The following CNTNAP2 variants were observed in gnomAD, a reference collection of about 807,000 sequenced individuals.
CNTNAP2 encodes the protein contactin associated protein 2.
A neutral mutation model predicts 155.2 loss-of-function variants in CNTNAP2; 98 were observed. The observed-to-expected ratio is 0.63, with a 90% confidence interval of 0.54 to 0.75. The LOEUF (loss-of-function observed/expected upper bound fraction) is 0.75. Ranked by LOEUF, CNTNAP2 falls within the 30% of genes least tolerant of loss-of-function variation. CNTNAP2 has a pLI of 0.00. For synonymous variants in CNTNAP2, 651 were observed against 631.2 expected (o/e 1.03, Z -0.47); for missense variants, 1,727 against 1,688.1 (o/e 1.02, Z -0.40).
chr7:146,350,822 A>G (rs1304370903), intron 1 of CNTNAP2, among the ~76,000 whole-genome samples: 1 of 152,094 alleles, frequency 6.6e-6, no homozygotes, highest in African/African-American at 2.4e-5. Context: ...AATGTGACAC[A>G]TATACACCAT....
intron 18 of CNTNAP2, among the ~76,000 whole-genome samples, chr7:148,192,567 A>C (rs759482272): frequency 6.6e-6 from 1 of 152,096 alleles, no homozygotes; most frequent in Non-Finnish European, 1.5e-5. Flanking sequence ...CTCTCCATGC[A>C]GTGAGCCGAG....
chr7:147,168,169 AATAG>A (rs1025259728), intron 8 of CNTNAP2, among the ~76,000 whole-genome samples: 3 of 149,802 alleles, frequency 2.0e-5, no homozygotes, highest in Non-Finnish European at 4.4e-5. Context: ...TTATACATAT[AATAG>A]ATATATAAAT....
At chr7:148,111,147 G>A (rs78876103) in intron 15 of CNTNAP2, among the ~76,000 whole-genome samples, 2,891 of 152,156 alleles carry the variant, frequency 0.019, 106 homozygotes, top group African/African-American at 0.065. Flanking sequence ...TGACTGTTCG[G>A]TATAAACAGA....
At chr7:147,221,905 C>T (rs1803410093) in intron 8 of CNTNAP2, among the ~76,000 whole-genome samples, 2 of 152,126 alleles carry the variant, frequency 1.3e-5, no homozygotes, top group African/African-American at 4.8e-5. Flanking sequence ...AAATAATTCA[C>T]TCTACTCTTT....
intron 10 of CNTNAP2, among the ~76,000 whole-genome samples, chr7:147,472,281 C>T (rs1237951097): frequency 1.4e-5 from 2 of 139,560 alleles, no homozygotes; most frequent in African/African-American, 5.3e-5. Flanking sequence ...GGCATGATCT[C>T]GGCTCACTGC....
At chr7:146,562,393 T>C (rs1353909686) in intron 1 of CNTNAP2, among the ~76,000 whole-genome samples, 1 of 152,144 alleles carries the variant, frequency 6.6e-6, no homozygotes, top group African/African-American at 2.4e-5. Flanking sequence ...ATTAAAAAGG[T>C]TAGCCTTTCA....
chr7:147,305,844 G>C (rs1338341113), intron 9 of CNTNAP2, among the ~76,000 whole-genome samples: 2 of 152,118 alleles, frequency 1.3e-5, no homozygotes, highest in Non-Finnish European at 2.9e-5. Flanking sequence ...GGATCCTGAG[G>C]TGTCTGAAGG....
At chr7:146,918,541 G>A (rs977822523) in intron 3 of CNTNAP2, among the ~76,000 whole-genome samples, 2 of 152,174 alleles carry the variant, frequency 1.3e-5, no homozygotes, top group Admixed American at 1.3e-4. Context: ...TTTCTGCTGA[G>A]AGATCTGCTG....
At chr7:146,617,511 G>A (rs1034902542) in intron 1 of CNTNAP2, among the ~76,000 whole-genome samples, 2 of 151,908 alleles carry the variant, frequency 1.3e-5, no homozygotes, top group African/African-American at 4.8e-5. Flanking sequence ...TACCTCTTTG[G>A]CAATTTCGAA....
intron 4 of CNTNAP2, among the ~76,000 whole-genome samples, chr7:147,063,416 C>G: frequency 6.6e-6 from 1 of 152,018 alleles, no homozygotes; most frequent in South Asian, 2.1e-4. Context: ...ATTTTACAAC[C>G]GCAGGTATGG....
rs111318542 is a variant in CNTNAP2, at chr7:147,294,880, A to G, written c.1349-5261A>G. On this transcript the variant is annotated intron_variant, in intron 8 of 23. Coordinates refer to ENST00000361727, the MANE Select transcript of CNTNAP2 (RefSeq NM_014141.6). Reference sequence around the variant, plus strand: ...TCATCATGTTGGCCAGGCTGGTCTCAAACTCCTGACCTCAGGTAATCCACC... The same window carrying G: ...TCATCATGTTGGCCAGGCTGGTCTCGAACTCCTGACCTCAGGTAATCCACC... 1.5e-4 allele frequency among the ~76,000 whole-genome samples: 23 copies of G among 152,092 alleles called. No homozygotes were observed. The South Asian group carries it at 2.5e-3, about 16-fold the overall frequency.
intron 1 of CNTNAP2, among the ~76,000 whole-genome samples, chr7:146,721,742 A>C (rs1483726197): frequency 7.0e-5 from 9 of 128,314 alleles, no homozygotes; most frequent in African/African-American, 2.6e-4. Context: ...TATATATTCT[A>C]TATATATATT....
intron 17 of CNTNAP2, among the ~76,000 whole-genome samples, chr7:148,155,177 C>CG (rs931792025): frequency 1.2e-4 from 18 of 152,078 alleles, no homozygotes; most frequent in Admixed American, 5.2e-4. Context: ...GTTGACTTAC[C>CG]GAAGGTCGTG....
At position 148,061,913 on chromosome 7, in the gene CNTNAP2, A is replaced by AT. The variant is rs1563185287; in HGVS notation, c.2384-56205_2384-56204insT. ...TAGATAGATAGATAGATAGATAGAT[A>AT]AACAGATATAGATAGATAGATAGAT... On this transcript the variant is annotated intron_variant, in intron 15 of 23. Coordinates refer to ENST00000361727, the MANE Select transcript of CNTNAP2 (RefSeq NM_014141.6). Among the ~76,000 whole-genome samples the AT allele has an allele frequency of 5.3e-4, 56 of 106,272 alleles. 1 individual carries two copies. In the East Asian group the frequency reaches 7.6e-3, roughly 14 times the overall value. The allele number at this position is 106,272 out of a possible 152,430, so 69.7% of individuals were successfully genotyped here. A position where few individuals can be genotyped will look rare whatever the true frequency, so the allele number is the denominator to read the frequency against.
chr7:146,985,300 A>G (rs1798094038), intron 3 of CNTNAP2, among the ~76,000 whole-genome samples: 1 of 149,702 alleles, frequency 6.7e-6, no homozygotes, highest in South Asian at 2.1e-4. Flanking sequence ...CTTGTGGAAA[A>G]TGCTTGAATT....
intron 10 of CNTNAP2, among the ~76,000 whole-genome samples, chr7:147,439,071 T>C (rs1262934854): frequency 2.0e-5 from 3 of 152,090 alleles, no homozygotes; most frequent in African/African-American, 7.2e-5. Flanking sequence ...ATTGTTTTCT[T>C]CATTTCAATC....
At chr7:146,940,887 G>A (rs1797042461) in intron 3 of CNTNAP2, among the ~76,000 whole-genome samples, 1 of 151,866 alleles carries the variant, frequency 6.6e-6, no homozygotes, top group Non-Finnish European at 1.5e-5. Flanking sequence ...CTTGCTAAAT[G>A]GGCCACTTTC....
chr7:147,158,837 C>G (rs1239991296), intron 8 of CNTNAP2, among the ~76,000 whole-genome samples: 1 of 152,080 alleles, frequency 6.6e-6, no homozygotes, highest in African/African-American at 2.4e-5. Context: ...AGGAATAAAA[C>G]AGGCTCCCTG....
At chr7:147,347,885 T>C (rs1275800470) in intron 9 of CNTNAP2, among the ~76,000 whole-genome samples, 5 of 152,088 alleles carry the variant, frequency 3.3e-5, no homozygotes, top group Admixed American at 3.3e-4. Flanking sequence ...TACATGTCTA[T>C]ACAGCCAGCT....
Sources: allele counts gnomAD v4.1 joint callset (sites outside exome capture counted in the v4.1 genomes callset), GRCh38; gene constraint gnomAD v4.1.1; transcripts MANE v1.5; gene names NCBI Gene and HGNC (gene_info 2026-07-23, HGNC 2026-07-21).